FBN2: variants seen among roughly 807,000 people sequenced by gnomAD.
FBN2 encodes the protein fibrillin 2.
In FBN2, 105 loss-of-function variants were observed where a neutral mutation model predicts 355.6. That is an observed-to-expected ratio of 0.30 (90% confidence interval 0.25 to 0.35). The LOEUF (loss-of-function observed/expected upper bound fraction) is 0.35, where lower values mean the gene tolerates loss of function less well. Ranked by LOEUF, FBN2 falls within the 10% of genes least tolerant of loss-of-function variation. The pLI, the probability that FBN2 is intolerant of heterozygous loss-of-function variation, is 1.00. For synonymous variants in FBN2, 1,350 were observed against 1,301.2 expected (o/e 1.04, Z -0.81); for missense variants, 3,280 against 3,758.7 (o/e 0.87, Z 3.33).
intron 58 of FBN2, among the ~76,000 whole-genome samples, chr5:128,277,540 T>G (rs1765425204): frequency 6.6e-6 from 1 of 152,176 alleles, no homozygotes; most frequent in African/African-American, 2.4e-5. Flanking sequence ...AATTTTAAAT[T>G]AAAATATAAA....
chr5:128,289,747 A>G, intron 51 of FBN2, 135 bp downstream of exon 51: 1 of 638,488 alleles, frequency 1.6e-6, no homozygotes, highest in Non-Finnish European at 2.8e-6. Context: ...ATGATACAAA[A>G]TAAGGGTTAT....
intron 8 of FBN2, among the ~76,000 whole-genome samples, chr5:128,407,231 G>A (rs1410035437): frequency 6.6e-6 from 1 of 152,112 alleles, no homozygotes; most frequent in Non-Finnish European, 1.5e-5. Context: ...CCATTCATTG[G>A]CTGCAAAACA....
intron 22 of FBN2, 81 bp downstream of exon 22, chr5:128,349,874 T>C: frequency 1.9e-6 from 2 of 1,068,444 alleles, no homozygotes; most frequent in Non-Finnish European, 2.9e-6. Flanking sequence ...ATGATAAATA[T>C]CTCCAAAGTT....
intron 36 of FBN2, among the ~76,000 whole-genome samples, chr5:128,314,104 A>G (rs1299372737): frequency 1.3e-5 from 2 of 151,998 alleles, no homozygotes. Flanking sequence ...GCAACCTCCA[A>G]TGGCTTCTCT....
At chr5:128,525,549 C>G (rs1461870151) in intron 4 of FBN2, among the ~76,000 whole-genome samples, 1 of 152,120 alleles carries the variant, frequency 6.6e-6, no homozygotes, top group East Asian at 1.9e-4. Context: ...CTTAGCCTCC[C>G]CTGGCCAACC....
intron 45 of FBN2, among the ~76,000 whole-genome samples, chr5:128,304,428 GTT>G (rs1749810917): frequency 6.6e-6 from 1 of 152,174 alleles, no homozygotes; most frequent in African/African-American, 2.4e-5. Flanking sequence ...TTTTTAAAGA[GTT>G]TGGCTATATT....
chr5:128,262,120 T>G (rs1764991003), intron 63 of FBN2, among the ~76,000 whole-genome samples: 2 of 152,214 alleles, frequency 1.3e-5, no homozygotes, highest in African/African-American at 4.8e-5. Context: ...GGCACGATCT[T>G]GCTCACTGCA....
intron 20 of FBN2, 53 bp downstream of exon 20, chr5:128,357,223 T>G: frequency 6.2e-7 from 1 of 1,608,734 alleles, no homozygotes; most frequent in Non-Finnish European, 8.5e-7. Flanking sequence ...GCCTGAGATC[T>G]GTGCTTATCT....
intron 7 of FBN2, among the ~76,000 whole-genome samples, chr5:128,434,396 A>ATG (rs1561455095): frequency 1.6e-5 from 1 of 64,192 alleles, no homozygotes; most frequent in African/African-American, 7.5e-5. Context: ...TAAAGTGTGT[A>ATG]TATATATATA....
intron 20 of FBN2, among the ~76,000 whole-genome samples, chr5:128,353,600 G>A (rs1215710452): frequency 6.6e-6 from 1 of 152,178 alleles, no homozygotes; most frequent in African/African-American, 2.4e-5. Flanking sequence ...ACCTGGACTA[G>A]TTCTGATTTA....
chr5:128,536,128 T>C (rs1756839850), intron 2 of FBN2, among the ~76,000 whole-genome samples: 1 of 152,208 alleles, frequency 6.6e-6, no homozygotes, highest in Admixed American at 6.5e-5. Context: ...CCTCTTCCAA[T>C]TTGTATTAAT....
chr5:128,395,173 G>A lies in FBN2; in HGVS notation c.1180C>T (p.Arg394Cys), dbSNP rs563228953. 10 of 1,614,040 alleles carry A rather than the reference G, an allele frequency of 6.2e-6. No homozygotes were observed. The highest frequency in any genetic ancestry group is 2.2e-5 in the East Asian group (1 of 44,836). Reference sequence around the variant, plus strand: ...GGAATGGTTCCGATGCCCCAGCAGCGGCCAGGCTCACAGCAGCACTGCATT... The same window carrying A: ...GGAATGGTTCCGATGCCCCAGCAGCAGCCAGGCTCACAGCAGCACTGCATT... Reference protein sequence around the residue: ...TKMQCCCEPGRCWGIGTIPEA... With the variant: ...TKMQCCCEPGCCWGIGTIPEA... The change falls in exon 9 of 65, where the codon CGC (arginine) becomes TGC (cysteine). Residue 394 changes from arginine to cysteine, a missense_variant. Physicochemically the swap from Arg to Cys is radical, Grantham distance 180 (BLOSUM62 -3). Coordinates refer to ENST00000262464, the MANE Select transcript of FBN2 (RefSeq NM_001999.4).
intron 7 of FBN2, among the ~76,000 whole-genome samples, chr5:128,413,915 C>G (rs950730770): frequency 2.0e-5 from 3 of 152,104 alleles, no homozygotes; most frequent in Admixed American, 6.5e-5. Context: ...TGAACTTCCA[C>G]TTATTCGTAT....
intron 7 of FBN2, among the ~76,000 whole-genome samples, chr5:128,439,798 T>C (rs1022626140): frequency 6.6e-6 from 1 of 152,140 alleles, no homozygotes; most frequent in Non-Finnish European, 1.5e-5. Context: ...CACACTGAAA[T>C]ATGCTTTCTC....
At chr5:128,290,650 T>C (rs1179711114) in intron 50 of FBN2, 82 bp downstream of exon 50, 8 of 1,376,138 alleles carry the variant, frequency 5.8e-6, no homozygotes, top group Non-Finnish European at 7.3e-6. Context: ...AAAATATTCT[T>C]AAATTACATG....
At chr5:128,472,557 C>T (rs1416411970) in intron 5 of FBN2, among the ~76,000 whole-genome samples, 1 of 152,022 alleles carries the variant, frequency 6.6e-6, no homozygotes, top group Non-Finnish European at 1.5e-5. Context: ...TTTGGGAGGT[C>T]GAGGCAGGCA....
chr5:128,445,533 G>T (rs1007336475), intron 7 of FBN2, among the ~76,000 whole-genome samples: 56 of 152,254 alleles, frequency 3.7e-4, no homozygotes, highest in African/African-American at 1.3e-3. Flanking sequence ...AAAGAGGAAT[G>T]CAGCTGTTTA....
At chr5:128,306,601 A>T (rs1749888889) in intron 42 of FBN2, among the ~76,000 whole-genome samples, 2 of 152,094 alleles carry the variant, frequency 1.3e-5, no homozygotes, top group African/African-American at 2.4e-5. Context: ...CAGCCTGGGC[A>T]ACAAGAGCAA....
At chr5:128,376,534 T>C (rs1752081767) in intron 14 of FBN2, among the ~76,000 whole-genome samples, 197 bp downstream of exon 14, 1 of 152,232 alleles carries the variant, frequency 6.6e-6, no homozygotes, top group Non-Finnish European at 1.5e-5. Context: ...TTATTATTTT[T>C]GTTAAGATAT....
Sources: allele counts gnomAD v4.1 joint callset (sites outside exome capture counted in the v4.1 genomes callset), GRCh38; gene constraint gnomAD v4.1.1; transcripts MANE v1.5; gene names NCBI Gene and HGNC (gene_info 2026-07-23, HGNC 2026-07-21).